Variants in PPP1R12A observed in about 807,000 individuals in gnomAD.
PPP1R12A encodes the protein protein phosphatase 1 regulatory subunit 12A.
Under a neutral mutation model 139.6 loss-of-function variants are expected in PPP1R12A, and 19 were observed. The ratio of observed to expected loss-of-function variants is 0.14; its 90% CI spans 0.09 to 0.20. PPP1R12A has a LOEUF of 0.20. Among genes scored for constraint, PPP1R12A ranks in the 10% least tolerant of loss-of-function variants. The pLI is 1.00. For synonymous variants in PPP1R12A, 427 were observed against 420.6 expected (o/e 1.02, Z -0.19); for missense variants, 925 against 1,211.5 (o/e 0.76, Z 3.51).
In PPP1R12A at chr12:79,908,349, A is replaced by C. The variant is rs148084813; in HGVS notation, c.237+26346T>G. Among the ~76,000 whole-genome samples, 820 of 152,356 alleles carry C rather than the reference A, an allele frequency of 5.4e-3. 5 individuals carry two copies. Among genetic ancestry groups the C allele is most frequent in the African/African-American group, 0.019 (779 of 41,582 alleles). ...ATACCTAAACTAGACTCTAGCTTTAATTTTATTCCAAAATAGGAAAAGAGC... is the reference window on the plus strand; with the variant it reads ...ATACCTAAACTAGACTCTAGCTTTACTTTTATTCCAAAATAGGAAAAGAGC... On this transcript the variant is annotated intron_variant, in intron 1 of 24. Transcript: ENST00000450142.
chr12:79,779,464 G>T, intron 23 of PPP1R12A: 1 of 803,530 alleles, frequency 1.2e-6, no homozygotes, highest in Non-Finnish European at 1.8e-6. Context: ...TACATTTACT[G>T]TAAATGTTAA....
chr12:79,783,097 GCTTA>G (rs1357542515), intron 22 of PPP1R12A, among the ~76,000 whole-genome samples: 1 of 151,852 alleles, frequency 6.6e-6, no homozygotes, highest in African/African-American at 2.4e-5. Flanking sequence ...AAGCTTTTGT[GCTTA>G]CTCTTTCTGG....
At chr12:79,837,398 T>A (rs1878211847) in intron 3 of PPP1R12A, among the ~76,000 whole-genome samples, 1 of 152,190 alleles carries the variant, frequency 6.6e-6, no homozygotes, top group South Asian at 2.1e-4. Context: ...ATTACTACTT[T>A]CAAAGGCAAT....
Position 79,775,666 on chromosome 12 carries a change from T to A in PPP1R12A, c.*263A>T. ...GCTGTAAACAAGTTTTCTCAGTCAT[T>A]AAAAAAAAATCTTCTCAGCAGCTGC... On this transcript the variant is annotated 3_prime_UTR_variant, in exon 25 of 25. Coordinates refer to ENST00000450142, the MANE Select transcript of PPP1R12A (RefSeq NM_002480.3). The A allele has an allele frequency of 4.1e-6, 1 of 246,212 alleles. No homozygotes were observed. Among genetic ancestry groups the A allele is most frequent in the Admixed American group, 5.5e-5 (1 of 18,338 alleles). 15.3% of individuals were successfully genotyped at this position (246,212 alleles called of 1,614,324 possible). A position where few individuals can be genotyped will look rare whatever the true frequency, so the allele number is the denominator to read the frequency against.
chr12:79,779,329 A>G (rs1176042209), intron 23 of PPP1R12A: 1 of 1,289,134 alleles, frequency 7.8e-7, no homozygotes, highest in South Asian at 1.2e-5. Flanking sequence ...ACCGCCCAGA[A>G]GATACTGACT....
intron 1 of PPP1R12A, among the ~76,000 whole-genome samples, chr12:79,912,888 T>C (rs1468517743): frequency 6.6e-6 from 1 of 152,224 alleles, no homozygotes; most frequent in Admixed American, 6.5e-5. Flanking sequence ...CCATTGCTAC[T>C]GCATAAGTAC....
At chr12:79,800,237 C>T (rs986455116) in intron 14 of PPP1R12A, among the ~76,000 whole-genome samples, 2 of 152,134 alleles carry the variant, frequency 1.3e-5, no homozygotes, top group Non-Finnish European at 2.9e-5. Flanking sequence ...ATGAAAGTTA[C>T]ACCAAGTGTG....
intron 2 of PPP1R12A, among the ~76,000 whole-genome samples, chr12:79,860,510 A>G (rs1881197011): frequency 6.6e-6 from 1 of 152,208 alleles, no homozygotes; most frequent in African/African-American, 2.4e-5. Flanking sequence ...TAAGTGAAAA[A>G]AGCAAAGTGG....
rs75480570 is a variant in PPP1R12A, at chr12:79,856,009, C to T, written c.369-10589G>A. Among the ~76,000 whole-genome samples, 929 of 152,186 alleles carry T rather than the reference C, an allele frequency of 6.1e-3. 30 individuals are homozygous for T. Among genetic ancestry groups the T allele is most frequent in the East Asian group, 0.044 (229 of 5,186 alleles). Reference sequence around the variant, plus strand: ...TTTGATTTTTCTTCCTACCTTAGTACTTAGATCCAGTAAATCACACCAAGA... The same window carrying T: ...TTTGATTTTTCTTCCTACCTTAGTATTTAGATCCAGTAAATCACACCAAGA... On this transcript the variant is annotated intron_variant, in intron 2 of 24. Coordinates refer to ENST00000450142, the MANE Select transcript of PPP1R12A (RefSeq NM_002480.3).
At chr12:79,863,694 C>G (rs956420409) in intron 2 of PPP1R12A, among the ~76,000 whole-genome samples, 1 of 142,460 alleles carries the variant, frequency 7.0e-6, no homozygotes, top group African/African-American at 2.6e-5. Context: ...CAATCCTGGT[C>G]TCTGATAAAA....
At chr12:79,814,815 C>CAAAAAAAAAAA (rs149384466) in intron 9 of PPP1R12A, among the ~76,000 whole-genome samples, 13 of 69,730 alleles carry the variant, frequency 1.9e-4, no homozygotes, top group Non-Finnish European at 2.3e-4. Flanking sequence ...AACTCTGTCT[C>CAAAAAAAAAAA]AAAAAAAAAA....
chr12:79,885,612 C>G (rs1394029540), intron 1 of PPP1R12A, among the ~76,000 whole-genome samples: 2 of 152,008 alleles, frequency 1.3e-5, no homozygotes, highest in African/African-American at 2.4e-5. Flanking sequence ...TTCAAACAAA[C>G]TTTTCTGCAA....
At chr12:79,866,219 A>G (rs1321668267) in intron 2 of PPP1R12A, among the ~76,000 whole-genome samples, 2 of 152,164 alleles carry the variant, frequency 1.3e-5, no homozygotes, top group East Asian at 3.8e-4. Flanking sequence ...AGCAATGGGG[A>G]AAAAGATTCC....
At chr12:79,826,649 C>T (rs1049436839) in intron 5 of PPP1R12A, among the ~76,000 whole-genome samples, 2 of 152,012 alleles carry the variant, frequency 1.3e-5, no homozygotes, top group Non-Finnish European at 2.9e-5. Context: ...ACATGCACTC[C>T]TTCTCTGATA....
At chr12:79,896,478 C>T (rs558295236) in intron 1 of PPP1R12A, among the ~76,000 whole-genome samples, 6 of 152,056 alleles carry the variant, frequency 3.9e-5, no homozygotes, top group Admixed American at 2.6e-4. Context: ...CGACCACAGA[C>T]GTGCCACCTT....
chr12:79,898,348 T>C (rs2137457606), intron 1 of PPP1R12A, among the ~76,000 whole-genome samples: 2 of 152,106 alleles, frequency 1.3e-5, no homozygotes, highest in East Asian at 3.9e-4. Context: ...CCCAGCTACT[T>C]GGGAGGCTGA....
At chr12:79,849,201 T>C (rs535729590) in intron 2 of PPP1R12A, among the ~76,000 whole-genome samples, 2 of 152,170 alleles carry the variant, frequency 1.3e-5, no homozygotes, top group South Asian at 4.1e-4. Context: ...CTGGCCAACA[T>C]AGCAAAACCC....
intron 14 of PPP1R12A, among the ~76,000 whole-genome samples, chr12:79,802,738 C>T (rs1324518608): frequency 6.6e-6 from 1 of 152,060 alleles, no homozygotes; most frequent in Non-Finnish European, 1.5e-5. Context: ...TATCATCACA[C>T]CACCACACTA....
chr12:79,912,132 A>C lies in PPP1R12A; in HGVS notation c.237+22563T>G, dbSNP rs115294430. ...TTTCTCCACCTTTCACCAAGAATCT[A>C]TCTCTCCACCCTCGACCATCAACTC... is the stretch of plus-strand genomic sequence containing the variant. On this transcript the variant is annotated intron_variant, in intron 1 of 24. Transcript: ENST00000450142. Among the ~76,000 whole-genome samples, 804 of 152,178 alleles carry C rather than the reference A, an allele frequency of 5.3e-3. 8 individuals are homozygous for C. Among genetic ancestry groups the C allele is most frequent in the African/African-American group, 0.017 (716 of 41,524 alleles).
Sources: gnomAD v4.1 joint callset for allele counts (sites outside exome capture counted in the v4.1 genomes callset) on GRCh38, gnomAD v4.1.1 for gene constraint, MANE v1.5 for transcripts, NCBI Gene and HGNC (gene_info 2026-07-23, HGNC 2026-07-21) for gene names.